Variants in TYK2 observed in about 807,000 individuals in gnomAD.
The protein encoded by TYK2 is tyrosine kinase 2.
In TYK2, 65 loss-of-function variants were observed where a neutral mutation model predicts 130.9. The observed-to-expected ratio is 0.50, with a 90% CI of 0.41 to 0.61. TYK2 has a LOEUF of 0.61. Among genes scored for constraint, TYK2 ranks in the 20% least tolerant of loss-of-function variants. The pLI is 0.00. For synonymous variants in TYK2, 647 were observed against 658.9 expected, an observed-to-expected ratio of 0.98 and a Z score of 0.28; for missense variants, 1,378 against 1,610.7, an observed-to-expected ratio of 0.86 and a Z score of 2.47.
chr19:10,374,616 G>A (rs1276942301), intron 3 of TYK2, among the ~76,000 whole-genome samples: 5 of 146,432 alleles, frequency 3.4e-5, no homozygotes, highest in East Asian at 2.0e-4. Context: ...AGCCGGGCAC[G>A]GTGGCTCACA....
rs766133942 is a variant in TYK2 at position 10,378,291 on chromosome 19, C to A, written c.116G>T (p.Gly39Val). 3.7e-6 allele frequency: 6 copies of A among 1,612,936 alleles called. No individual in the cohort carries two copies. The South Asian group carries it at 6.6e-5, about 18-fold the overall frequency. ...KVLLHWAGPG[G>V]GEPWVTFSES... ...ACTGAAAGTGACCCAGGGCTCCCCG[C>A]CGCCTGGACCAGCCCAGTGCAGAAG... The change falls in exon 3 of 25, where the codon GGC becomes GTC. Residue 39 changes from glycine (G) to valine (V), a missense_variant. Transcript: ENST00000525621.
intron 1 of TYK2, among the ~76,000 whole-genome samples, chr19:10,380,120 G>A (rs1033195158): frequency 6.6e-6 from 1 of 152,232 alleles, no homozygotes; most frequent in African/African-American, 2.4e-5. Flanking sequence ...AGGAGGCAGA[G>A]AAAGTGCCTG....
chr19:10,370,385 G>A (rs2041863341), intron 3 of TYK2, among the ~76,000 whole-genome samples: 2 of 151,312 alleles, frequency 1.3e-5, no homozygotes, highest in East Asian at 4.0e-4. Context: ...ATGGTGGGGT[G>A]CACCTTTAGT....
chr19:10,350,543 ATGAG>A lies in TYK2; in HGVS notation c.*287_*290del, dbSNP rs2040749804. 2.1e-6 allele frequency: 1 copy of A among 471,566 alleles called. No homozygotes were observed. The highest frequency in any genetic ancestry group is 3.9e-6 in the Non-Finnish European group (1 of 258,682). The allele number at this position is 471,566 out of a possible 1,614,324, so 29.2% of individuals were successfully genotyped here. ...AATCACAGGCTCCAGCAGAGAAAAC[ATGAG>A]TTTATTACCAGATGGTGGAGATGGT... On this transcript the variant is annotated 3_prime_UTR_variant, in exon 25 of 25. Coordinates refer to ENST00000525621, the MANE Select transcript of TYK2 (RefSeq NM_003331.5).
In TYK2 at chr19:10,362,475, G is replaced by C. The variant is rs1377318202; in HGVS notation, c.1477-19C>G. 3 of 1,581,628 alleles carry C rather than the reference G, an allele frequency of 1.9e-6. No individual in the cohort carries two copies. In the African/African-American group the frequency reaches 4.0e-5, roughly 21 times the overall value. The stretch of plus-strand genomic sequence containing the variant: ...CTGGTGCCTGGCAGGAGGTGGCAGA[G>C]GTGGGAGCAGTAAGCAGGGGACCAG... On this transcript the variant is annotated intron_variant, in intron 10 of 24. Coordinates refer to ENST00000525621, the MANE Select transcript of TYK2 (RefSeq NM_003331.5).
At chr19:10,352,781 C>A (rs2040877363) in intron 22 of TYK2, 145 bp downstream of exon 22, 1 of 1,125,010 alleles carries the variant, frequency 8.9e-7, no homozygotes. Context: ...CGCCCCTTGC[C>A]TCCATAGGCC....
rs765576893 is a variant in TYK2 at position 10,361,923 on chromosome 19, G to A, written c.1806C>T (p.Asn602=). 5.1e-5 allele frequency: 82 copies of A among 1,613,906 alleles called. No individual in the cohort carries two copies. The highest frequency in any genetic ancestry group is 1.6e-4 in the African/African-American group (12 of 74,894). The change falls in exon 13 of 25, where the codon AAC becomes AAT. Residue 602 remains asparagine (N), a synonymous_variant. Transcript: ENST00000525621. This position sits in a 1 kb window ranked among gnomAD's most constrained non-coding sequence, Gnocchi z 4.0. ...CCACTCGCAGGCGGCCCTCATACAC[G>A]TTGGTCCTTGTGCCCTGGCCCAAGT... ...LSHLGQGTRT[N]VYEGRLRVEG... is the part of the protein sequence containing the mutation.
chr19:10,358,143 G>A lies in TYK2; in HGVS notation c.2176-5C>T, dbSNP rs779932816. 6.2e-7 allele frequency: 1 copy of A among 1,604,440 alleles called. No individual in the cohort carries two copies. The highest frequency in any genetic ancestry group is 8.5e-7 in the Non-Finnish European group (1 of 1,175,992). ...ATGAACCAGGTTCTTGTTCTCCTGA[G>A]GTGGGCAGGAGAGGGGGTGTGGCCA... is the stretch of plus-strand genomic sequence containing the variant. On this transcript the variant is annotated splice_region_variant and splice_polypyrimidine_tract_variant and intron_variant, in intron 15 of 24. Transcript: ENST00000525621.
At position 10,353,101 on chromosome 19, in the gene TYK2, G is replaced by A; in HGVS notation, c.3028-3C>T. On this transcript the variant is annotated splice_region_variant and splice_polypyrimidine_tract_variant and intron_variant, in intron 21 of 24. Coordinates refer to ENST00000525621, the MANE Select transcript of TYK2 (RefSeq NM_003331.5). This position sits in a 1 kb window ranked among gnomAD's most constrained non-coding sequence, Gnocchi z 6.9. Reference sequence around the variant, plus strand: ...TGCGCGTGCAGATAGGCCATGCCCTGGGGACGGGGCAGGGCTCGTGAGTTT... The same window carrying A: ...TGCGCGTGCAGATAGGCCATGCCCTAGGGACGGGGCAGGGCTCGTGAGTTT... The A allele has an allele frequency of 6.6e-7, 1 of 1,526,580 alleles. No individual in the cohort carries two copies. The highest frequency in any genetic ancestry group is 1.2e-5 in the South Asian group (1 of 81,978). The allele number at this position is 1,526,580 out of a possible 1,614,324, so 94.6% of individuals were successfully genotyped here.
In TYK2 at chr19:10,364,588, C is replaced by A; in HGVS notation, c.1367+26G>T. 1 of 1,613,258 alleles carries A rather than the reference C, an allele frequency of 6.2e-7. No individual in the cohort carries two copies. Among genetic ancestry groups the A allele is most frequent in the East Asian group, 2.2e-5 (1 of 44,882 alleles). ...CTAGTTGGCACCCTTGGCGGTGGCC[C>A]CCAGCGCCCCCCACCCAGCACTCAC... On this transcript the variant is annotated intron_variant, in intron 9 of 24. Coordinates refer to ENST00000525621, the MANE Select transcript of TYK2 (RefSeq NM_003331.5). This position sits in a 1 kb window ranked among gnomAD's most constrained non-coding sequence, Gnocchi z 4.9.
At chr19:10,360,575 A>G (rs2041350963) in intron 14 of TYK2, among the ~76,000 whole-genome samples, 1 of 151,464 alleles carries the variant, frequency 6.6e-6, no homozygotes, top group Middle Eastern at 3.4e-3. Context: ...AGCAGAGGCT[A>G]GGGGCTTGAG....
rs556369340 is a variant in TYK2 at position 10,350,714 on chromosome 19, G to A, written c.*120C>T. The A allele has an allele frequency of 2.0e-3, 2,501 of 1,236,604 alleles. 5 individuals are homozygous for A. The highest frequency in any genetic ancestry group is 3.3e-3 in the Middle Eastern group (12 of 3,604). The allele number at this position is 1,236,604 out of a possible 1,614,324, so 76.6% of individuals were successfully genotyped here. On this transcript the variant is annotated 3_prime_UTR_variant, in exon 25 of 25. Transcript: ENST00000525621. ...GGTGGGGTCTCTAGACAGGAGTAAG[G>A]CACACGGTGTGGGTGAGGCTGACAT...
At chr19:10,369,256 T>C (rs545688622) in intron 3 of TYK2, among the ~76,000 whole-genome samples, 6 of 152,248 alleles carry the variant, frequency 3.9e-5, no homozygotes, top group African/African-American at 1.4e-4. Flanking sequence ...TCCAGTCACC[T>C]CCTGGCTGTC....
At chr19:10,355,512 C>T (rs2041049641) in intron 18 of TYK2, among the ~76,000 whole-genome samples, 1 of 151,286 alleles carries the variant, frequency 6.6e-6, no homozygotes, top group African/African-American at 2.4e-5. Context: ...TGGTGGTGGA[C>T]GCCTGTAATC....
At chr19:10,372,511 A>ATTTTT in intron 3 of TYK2, among the ~76,000 whole-genome samples, 1 of 52,042 alleles carries the variant, frequency 1.9e-5, no homozygotes, top group African/African-American at 9.4e-5. Context: ...TTTTTTTGAG[A>ATTTTT]CAGCATCTTG....
chr19:10,352,948 C>A lies in TYK2; in HGVS notation c.3178G>T (p.Asp1060Tyr). ...CACCAGAACACGGGGCTGTCCCCAT[C>A]CTCGCGCACGCGGTAGTACTCGTGG... ...EGHEYYRVRE[D>Y]GDSPVFWYAP... Residue 1060 changes from aspartate (D) to tyrosine (Y), a missense_variant, in exon 22 of 25, where the codon GAT becomes TAT. By Grantham distance (160) the Asp-to-Tyr change is radical. Coordinates refer to ENST00000525621, the MANE Select transcript of TYK2 (RefSeq NM_003331.5). 6.2e-7 allele frequency: 1 copy of A among 1,608,086 alleles called. No individual in the cohort carries two copies. The highest frequency in any genetic ancestry group is 1.3e-5 in the African/African-American group (1 of 75,028).
chr19:10,377,560 ATGGATG>A (rs2042183244), intron 3 of TYK2, among the ~76,000 whole-genome samples: 3 of 72,336 alleles, frequency 4.1e-5, no homozygotes, highest in East Asian at 4.5e-4. Context: ...GGGTGGGTGG[ATGGATG>A]GGTGGGTGGG....
At position 10,353,756 on chromosome 19, in the gene TYK2, C is replaced by A; in HGVS notation, c.2909-110G>T. ...AAGGTCGGGAGGGAAGGCCAAGACC[C>A]GCGCACACTAGACCCAGTTCTCAGG... On this transcript the variant is annotated intron_variant, in intron 20 of 24. Transcript: ENST00000525621. The surrounding 1 kb of genome is among the most constrained non-coding windows in gnomAD (Gnocchi z 6.9). 1.2e-6 allele frequency: 1 copy of A among 805,004 alleles called. No individual in the cohort carries two copies. Among genetic ancestry groups the A allele is most frequent in the Non-Finnish European group, 1.9e-6 (1 of 521,218 alleles). The allele number at this position is 805,004 out of a possible 1,614,324, so 49.9% of individuals were successfully genotyped here.
chr19:10,354,285 C>A (rs1237849933), intron 19 of TYK2, 51 bp from the exon 20 acceptor site: 1 of 1,594,662 alleles, frequency 6.3e-7, no homozygotes. Context: ...CCCTGCACCA[C>A]TCCCCAACCC....
Sources: gnomAD v4.1 joint callset for allele counts (sites outside exome capture counted in the v4.1 genomes callset) on GRCh38, gnomAD v4.1.1 for gene constraint, Gnocchi (gnomAD v3.1) non-coding constraint, MANE v1.5 for transcripts, NCBI Gene and HGNC (gene_info 2026-07-23, HGNC 2026-07-21) for gene names.